The following KIAA0586 variants were observed in gnomAD, a reference collection of about 807,000 sequenced individuals.
KIAA0586 encodes the protein protein TALPID3.
Under a neutral mutation model 169.8 loss-of-function variants are expected in KIAA0586, and 144 were observed. The ratio of observed to expected loss-of-function variants is 0.85; its 90% CI spans 0.74 to 0.97. The LOEUF (loss-of-function observed/expected upper bound fraction) is 0.97, where lower values mean the gene tolerates loss of function less well. Among genes scored for constraint, KIAA0586 ranks in the 50% least tolerant of loss-of-function variants. The pLI, the probability that KIAA0586 is intolerant of heterozygous loss-of-function variation, is 0.00. For synonymous variants in KIAA0586, 625 were observed against 612.4 expected (o/e 1.02, Z -0.30); for missense variants, 1,854 against 1,823.0 (o/e 1.02, Z -0.31).
At chr14:58,542,360 C>G (rs1255389436) in intron 30 of KIAA0586, among the ~76,000 whole-genome samples, 1 of 151,876 alleles carries the variant, frequency 6.6e-6, no homozygotes, top group Non-Finnish European at 1.5e-5. Context: ...GCCAGTAATC[C>G]AAGCTACTCA....
intron 21 of KIAA0586, among the ~76,000 whole-genome samples, chr14:58,485,172 T>G (rs1294254541): frequency 6.6e-6 from 1 of 150,796 alleles, no homozygotes; most frequent in Non-Finnish European, 1.5e-5. Flanking sequence ...TCTGCCCATC[T>G]CAGCCTCCCA....
chr14:58,432,546 A>G (rs554146998), intron 4 of KIAA0586, 89 bp downstream of exon 4: 2 of 678,202 alleles, frequency 2.9e-6, no homozygotes, highest in Admixed American at 3.1e-5. Context: ...CCTTTTCACT[A>G]TGTGAAATAT....
chr14:58,558,927 G>T, the KIAA0586 span, among the ~76,000 whole-genome samples: 3 of 152,182 alleles, frequency 2.0e-5, no homozygotes, highest in Non-Finnish European at 4.4e-5. Flanking sequence ...AGGTAATTTA[G>T]ACAGGAATTT....
chr14:58,474,926 A>G (rs915784800), intron 19 of KIAA0586, 129 bp downstream of exon 19: 5 of 710,108 alleles, frequency 7.0e-6, no homozygotes, highest in African/African-American at 3.7e-5. Flanking sequence ...TAGTCACTGG[A>G]AAGTGTTTGA....
chr14:58,511,697 A>G (rs1749008), intron 28 of KIAA0586, among the ~76,000 whole-genome samples: 2,894 of 152,288 alleles, frequency 0.019, 90 homozygotes, highest in African/African-American at 0.066. Context: ...AGTTATTATT[A>G]CTGCAGCTTA....
intron 21 of KIAA0586, among the ~76,000 whole-genome samples, chr14:58,483,768 A>G (rs1435110204): frequency 6.6e-6 from 1 of 152,216 alleles, no homozygotes; most frequent in African/African-American, 2.4e-5. Flanking sequence ...CTGTATTACC[A>G]GCTGTTTAAA....
intron 27 of KIAA0586, among the ~76,000 whole-genome samples, chr14:58,502,214 C>A (rs2043619780): frequency 6.6e-6 from 1 of 152,104 alleles, no homozygotes; most frequent in Middle Eastern, 3.2e-3. Context: ...CAGCTCACTG[C>A]AACCTCTGCC....
chr14:58,540,387 G>T (rs1009073209), intron 30 of KIAA0586, among the ~76,000 whole-genome samples: 3 of 152,184 alleles, frequency 2.0e-5, no homozygotes, highest in Non-Finnish European at 2.9e-5. Context: ...AAGGCTGCAG[G>T]TGTGGTATTC....
Position 58,549,186 on chromosome 14 carries a change from T to C in KIAA0586, c.*1254T>C, listed in dbSNP as rs954349649. On this transcript the variant is annotated 3_prime_UTR_variant, in exon 31 of 31. Transcript: ENST00000652326. ...TTCAAACACACAGTAATTACAGTCA[T>C]CCTTGACTTTTTCAGCATTTTTGTA... 3 of 152,166 alleles carry C rather than the reference T, an allele frequency of 2.0e-5. No homozygotes were observed. Among genetic ancestry groups the C allele is most frequent in the African/African-American group, 2.4e-5 (1 of 41,420 alleles). The allele number at this position is 152,166 out of a possible 1,614,324, so 9.4% of individuals were successfully genotyped here.
rs562732310 is a variant in KIAA0586 at position 58,452,451 on chromosome 14, A to T, written c.1130-899A>T. 2.6e-5 allele frequency among the ~76,000 whole-genome samples: 4 copies of T among 152,312 alleles called. No homozygotes were observed. In the South Asian group the frequency reaches 6.2e-4, roughly 24 times the overall value. On this transcript the variant is annotated intron_variant, in intron 8 of 30. Coordinates refer to ENST00000652326, the MANE Select transcript of KIAA0586 (RefSeq NM_001329943.3). The stretch of plus-strand genomic sequence containing the variant: ...ATTTTAAGAAAGTCACAAGATAATA[A>T]AATCTTTAATAAAGAAGGCAACCTC...
chr14:58,541,152 G>A (rs774068939), intron 30 of KIAA0586, among the ~76,000 whole-genome samples: 2 of 152,238 alleles, frequency 1.3e-5, no homozygotes, highest in Non-Finnish European at 2.9e-5. Context: ...ATCTAAGCAA[G>A]CTGTTAGCAA....
chr14:58,489,513 C>G (rs1357967331), intron 24 of KIAA0586, among the ~76,000 whole-genome samples: 1 of 152,040 alleles, frequency 6.6e-6, no homozygotes, highest in Non-Finnish European at 1.5e-5. Context: ...AACCACCTCA[C>G]CCAGCCTGAA....
intron 4 of KIAA0586, chr14:58,439,923 G>A (rs969353630): frequency 1.6e-6 from 1 of 618,498 alleles, no homozygotes; most frequent in Non-Finnish European, 2.0e-6. Context: ...TGTTTTCTTT[G>A]AGGCCAAATA....
intron 20 of KIAA0586, 35 bp downstream of exon 20, chr14:58,477,276 A>G (rs1436778671): frequency 6.3e-6 from 7 of 1,115,940 alleles, no homozygotes; most frequent in African/African-American, 6.2e-5. Context: ...GTTTTTATTA[A>G]AAGACAAAAG....
chr14:58,463,654 C>T (rs2040502648), intron 14 of KIAA0586, among the ~76,000 whole-genome samples: 2 of 152,004 alleles, frequency 1.3e-5, no homozygotes, highest in Non-Finnish European at 2.9e-5. Context: ...TAGCTAGATC[C>T]TGTCTCTACA....
At chr14:58,455,671 CGTGTGT>C (rs113621863) in intron 9 of KIAA0586, among the ~76,000 whole-genome samples, 10 of 150,124 alleles carry the variant, frequency 6.7e-5, no homozygotes, top group Non-Finnish European at 1.3e-4. Flanking sequence ...CCATGGATTA[CGTGTGT>C]GTGTGTGTGT....
chr14:58,467,317 A>C (rs1245508107), intron 15 of KIAA0586, among the ~76,000 whole-genome samples: 1 of 152,212 alleles, frequency 6.6e-6, no homozygotes, highest in Non-Finnish European at 1.5e-5. Context: ...CAAAGGCTAC[A>C]CAGCTAGAAT....
chr14:58,446,982 T>C (rs543022206), intron 6 of KIAA0586, among the ~76,000 whole-genome samples: 1 of 152,320 alleles, frequency 6.6e-6, no homozygotes, highest in African/African-American at 2.4e-5. Context: ...GGCTCCTACT[T>C]AGTCCTAAGT....
At chr14:58,516,634 A>G (rs1178909657) in intron 29 of KIAA0586, among the ~76,000 whole-genome samples, 1 of 152,218 alleles carries the variant, frequency 6.6e-6, no homozygotes, top group Non-Finnish European at 1.5e-5. Flanking sequence ...TTCTGGGTAG[A>G]AGTTGACAAG....
Sources: gnomAD v4.1 joint callset for allele counts (sites outside exome capture counted in the v4.1 genomes callset) on GRCh38, gnomAD v4.1.1 for gene constraint, MANE v1.5 for transcripts, NCBI Gene and HGNC (gene_info 2026-07-23, HGNC 2026-07-21) for gene names.